Variants in AFAP1 observed in about 807,000 individuals in gnomAD.
AFAP1 encodes actin filament associated protein 1, also known as actin filament-associated protein 1.
AFAP1 carries 75 observed loss-of-function variants against 93.9 expected under a neutral mutation model. The observed-to-expected ratio is 0.80, with a 90% confidence interval of 0.66 to 0.97. AFAP1 has a LOEUF of 0.97. Among genes scored for constraint, AFAP1 ranks in the 50% least tolerant of loss-of-function variants. The pLI is 0.00. For missense variants in AFAP1, 1,201 were observed against 1,050.8 expected (o/e 1.14, Z -1.98); for synonymous variants, 517 against 430.7 (o/e 1.20, Z -2.48).
chr4:7,887,918 A>G (rs75654042), intron 1 of AFAP1, among the ~76,000 whole-genome samples: 2 of 151,774 alleles, frequency 1.3e-5, no homozygotes, highest in Non-Finnish European at 2.9e-5. Flanking sequence ...CCTCTGTCTC[A>G]CAGGTTCAAG....
At chr4:7,814,667 A>G (rs992003831) in intron 8 of AFAP1, among the ~76,000 whole-genome samples, 7 of 152,216 alleles carry the variant, frequency 4.6e-5, no homozygotes, top group African/African-American at 1.7e-4. Flanking sequence ...GCCACACTCA[A>G]AAGTCTGCAA....
intron 4 of AFAP1, among the ~76,000 whole-genome samples, chr4:7,855,120 A>G (rs751746931): frequency 2.0e-5 from 3 of 152,252 alleles, no homozygotes; most frequent in Admixed American, 1.3e-4. Context: ...GGTGCAGCCC[A>G]AGAGCATCAA....
At chr4:7,789,587 G>A (rs1717650356) in intron 11 of AFAP1, among the ~76,000 whole-genome samples, 2 of 126,132 alleles carry the variant, frequency 1.6e-5, no homozygotes, top group Non-Finnish European at 3.2e-5. Flanking sequence ...CCCACGCTCC[G>A]CACCAGCCGC....
chr4:7,847,905 T>C (rs562280825), intron 4 of AFAP1, among the ~76,000 whole-genome samples: 27 of 151,786 alleles, frequency 1.8e-4, no homozygotes, highest in African/African-American at 5.6e-4. Context: ...GTGAACTCTG[T>C]TGAAAGGACG....
intron 12 of AFAP1, 116 bp from the exon 13 acceptor site, chr4:7,781,743 A>C: frequency 7.6e-7 from 1 of 1,314,736 alleles, no homozygotes; most frequent in South Asian, 1.5e-5. Context: ...GCACCCCAAC[A>C]CTCTCCTGCA....
At chr4:7,771,920 G>A (rs1480586174) in intron 16 of AFAP1, among the ~76,000 whole-genome samples, 1 of 152,172 alleles carries the variant, frequency 6.6e-6, no homozygotes, top group Non-Finnish European at 1.5e-5. Context: ...CAGGCTGTGC[G>A]GGTGGTGCCC....
intron 16 of AFAP1, among the ~76,000 whole-genome samples, chr4:7,769,787 G>A (rs1450742807): frequency 6.6e-6 from 1 of 152,252 alleles, no homozygotes; most frequent in Non-Finnish European, 1.5e-5. Flanking sequence ...TTTTAGAACA[G>A]TGTTTCAATT....
At chr4:7,815,632 T>TTG (rs1720404943) in intron 8 of AFAP1, among the ~76,000 whole-genome samples, 1 of 152,126 alleles carries the variant, frequency 6.6e-6, no homozygotes, top group Non-Finnish European at 1.5e-5. Context: ...TCTTGCCTCA[T>TTG]TATCCAAAGT....
At chr4:7,773,060 A>C (rs1401391497) in intron 15 of AFAP1, 50 bp from the exon 16 acceptor site, 10 of 1,571,752 alleles carry the variant, frequency 6.4e-6, no homozygotes, top group Non-Finnish European at 8.6e-6. Context: ...CAGGTTCTCC[A>C]AACAACAGAG....
intron 1 of AFAP1, among the ~76,000 whole-genome samples, chr4:7,895,967 T>C (rs912170794): frequency 4.0e-5 from 6 of 151,466 alleles, no homozygotes; most frequent in South Asian, 2.1e-4. Flanking sequence ...TTGAAGCGAT[T>C]CTCCTGCCTC....
intron 2 of AFAP1, among the ~76,000 whole-genome samples, chr4:7,869,781 C>A (rs1360482828): frequency 6.6e-6 from 1 of 152,020 alleles, no homozygotes; most frequent in Non-Finnish European, 1.5e-5. Flanking sequence ...CCAGGAGCTG[C>A]AATGGAGAAA....
intron 1 of AFAP1, among the ~76,000 whole-genome samples, chr4:7,884,355 G>A (rs1338634336): frequency 6.6e-6 from 1 of 152,052 alleles, no homozygotes; most frequent in Non-Finnish European, 1.5e-5. Context: ...ATTTTGTTTT[G>A]TTTTGTTTCT....
rs147665758 is a variant in AFAP1 at position 7,934,159 on chromosome 4, T to C, written c.-3+5497A>G. On this transcript the variant is annotated intron_variant, in intron 1 of 17. Transcript: ENST00000420658. The stretch of plus-strand genomic sequence containing the variant: ...AATGGCCCAGAACACCTACAAATTT[T>C]AGGTTTCAGGTAAGTGATTGCCTTT... Among the ~76,000 whole-genome samples, 78 of 152,336 alleles carry C rather than the reference T, an allele frequency of 5.1e-4. 2 individuals carry two copies. In the East Asian group the frequency reaches 0.012, roughly 24 times the overall value.
intron 1 of AFAP1, among the ~76,000 whole-genome samples, chr4:7,926,467 C>T (rs1177947912): frequency 6.6e-6 from 1 of 152,160 alleles, no homozygotes; most frequent in Non-Finnish European, 1.5e-5. Context: ...TGTTTGTATT[C>T]CCAGGGACGG....
At chr4:7,810,821 T>G (rs1290079849) in intron 8 of AFAP1, among the ~76,000 whole-genome samples, 1 of 152,168 alleles carries the variant, frequency 6.6e-6, no homozygotes, top group African/African-American at 2.4e-5. Context: ...GGGGCGGTTC[T>G]CATCACTCCC....
intron 1 of AFAP1, among the ~76,000 whole-genome samples, chr4:7,883,998 G>A (rs187335450): frequency 6.6e-6 from 1 of 152,330 alleles, no homozygotes; most frequent in African/African-American, 2.4e-5. Context: ...GATGGGGCCT[G>A]GCTGGTGGGA....
intron 4 of AFAP1, among the ~76,000 whole-genome samples, chr4:7,851,238 C>G (rs1421138366): frequency 6.6e-6 from 1 of 152,182 alleles, no homozygotes; most frequent in East Asian, 1.9e-4. Flanking sequence ...AAGAGGAAAC[C>G]TGAGCCGCCC....
Position 7,870,234 on chromosome 4 carries a change from T to C in AFAP1, c.128-1515A>G, listed in dbSNP as rs907611300. On this transcript the variant is annotated intron_variant, in intron 2 of 17. Transcript: ENST00000420658. ...CCAGAATCAAAAAGGCAGTTTAACT[T>C]TGAAGTTCATACTCATAACCACCTA... is the stretch of plus-strand genomic sequence containing the variant. 2.0e-5 allele frequency among the ~76,000 whole-genome samples: 3 copies of C among 152,156 alleles called. No homozygotes were observed. The East Asian group carries it at 5.8e-4, about 29-fold the overall frequency.
chr4:7,817,758 G>A (rs1482035365), intron 7 of AFAP1, among the ~76,000 whole-genome samples: 2 of 99,616 alleles, frequency 2.0e-5, no homozygotes, highest in Non-Finnish European at 4.0e-5. Context: ...ATAATATAAA[G>A]GTTAAGTAAA....
Sources: gnomAD v4.1 joint callset for allele counts (sites outside exome capture counted in the v4.1 genomes callset) on GRCh38, gnomAD v4.1.1 for gene constraint, MANE v1.5 for transcripts, NCBI Gene and HGNC (gene_info 2026-07-23, HGNC 2026-07-21) for gene names.